The following PDE4D variants were observed in gnomAD, a reference collection of about 807,000 sequenced individuals.
PDE4D encodes the protein phosphodiesterase 4D, also known as 3',5'-cyclic-AMP phosphodiesterase 4D.
PDE4D carries 24 observed loss-of-function variants against 87.4 expected under a neutral mutation model. The ratio of observed to expected loss-of-function variants is 0.27; its 90% confidence interval spans 0.20 to 0.39. The LOEUF is 0.39. PDE4D is among the 10% of genes least tolerant of loss of function. The pLI is 1.00. For missense variants in PDE4D, 714 were observed against 1,041.0 expected (o/e 0.69, Z 4.32); for synonymous variants, 384 against 383.2 (o/e 1.00, Z -0.02).
intron 1 of PDE4D, among the ~76,000 whole-genome samples, chr5:60,199,590 G>A (rs1741677428): frequency 6.6e-6 from 1 of 151,522 alleles, no homozygotes. Context: ...TTTTTCAGAA[G>A]GACAATGATG....
intron 1 of PDE4D, among the ~76,000 whole-genome samples, chr5:59,855,769 A>G (rs932097879): frequency 6.6e-6 from 1 of 152,186 alleles, no homozygotes; most frequent in Non-Finnish European, 1.5e-5. Flanking sequence ...CCTGAAAAGA[A>G]AGAGCATTTC....
chr5:60,106,592 G>A (rs1158375227), intron 2 of PDE4D, among the ~76,000 whole-genome samples: 5 of 150,452 alleles, frequency 3.3e-5, no homozygotes, highest in Non-Finnish European at 6.0e-5. Flanking sequence ...TTCCAAAATT[G>A]ACCACATAGT....
intron 1 of PDE4D, among the ~76,000 whole-genome samples, chr5:59,439,357 C>CA (rs3061710): frequency 0.038 from 2,716 of 72,130 alleles, 112 homozygotes; most frequent in African/African-American, 0.089. Context: ...AAGACTCTGT[C>CA]AAAAAAAAAA....
intron 3 of PDE4D, among the ~76,000 whole-genome samples, chr5:59,953,462 C>T (rs1758507639): frequency 6.6e-6 from 1 of 151,836 alleles, no homozygotes; most frequent in African/African-American, 2.4e-5. Flanking sequence ...TTACTGGAGC[C>T]AACTAAATTT....
At chr5:59,057,229 TGCTGG>T (rs756298360) in intron 5 of PDE4D, among the ~76,000 whole-genome samples, 24 of 152,204 alleles carry the variant, frequency 1.6e-4, no homozygotes, top group Non-Finnish European at 3.4e-4. Flanking sequence ...TGCTGGGTTA[TGCTGG>T]GGCAGTGAGG....
At chr5:60,077,080 G>T (rs1456451064) in intron 2 of PDE4D, among the ~76,000 whole-genome samples, 3 of 152,206 alleles carry the variant, frequency 2.0e-5, no homozygotes, top group African/African-American at 7.2e-5. Context: ...AGGCAGGGGT[G>T]ACTCTGCTGT....
intron 1 of PDE4D, among the ~76,000 whole-genome samples, chr5:59,290,037 A>C (rs2153554633): frequency 6.6e-6 from 1 of 152,178 alleles, no homozygotes; most frequent in African/African-American, 2.4e-5. Context: ...AAAAAATGGA[A>C]AGATATTCCA....
intron 2 of PDE4D, among the ~76,000 whole-genome samples, chr5:60,039,728 A>G (rs796769972): frequency 7.9e-5 from 12 of 152,236 alleles, no homozygotes; most frequent in African/African-American, 2.9e-4. Context: ...TTCATTTACA[A>G]TTTCTGATAT....
intron 1 of PDE4D, among the ~76,000 whole-genome samples, chr5:59,546,612 A>T (rs1817306766): frequency 2.0e-5 from 3 of 152,158 alleles, no homozygotes; most frequent in South Asian, 4.1e-4. Flanking sequence ...AAGAAAAAAA[A>T]TTCCTAAGAA....
At chr5:59,607,044 G>A (rs570428123) in intron 1 of PDE4D, among the ~76,000 whole-genome samples, 20 of 152,088 alleles carry the variant, frequency 1.3e-4, no homozygotes, top group Non-Finnish European at 2.2e-4. Context: ...CGTTTCAGAT[G>A]CCAAGAGGCT....
At chr5:59,179,415 C>T (rs145845035) in intron 5 of PDE4D, among the ~76,000 whole-genome samples, 232 of 152,218 alleles carry the variant, frequency 1.5e-3, no homozygotes, top group African/African-American at 5.4e-3. Context: ...TTGTTCATCT[C>T]TTGATCAATA....
intron 1 of PDE4D, among the ~76,000 whole-genome samples, chr5:59,353,200 T>C (rs1032901516): frequency 9.2e-5 from 14 of 152,120 alleles, no homozygotes; most frequent in African/African-American, 3.4e-4. Context: ...AAGAGTAATT[T>C]TCTATTTAAA....
At chr5:60,083,499 C>T (rs1508863) in intron 2 of PDE4D, among the ~76,000 whole-genome samples, 5 of 152,088 alleles carry the variant, frequency 3.3e-5, no homozygotes, top group Non-Finnish European at 7.4e-5. Flanking sequence ...AAACTTGGCA[C>T]AATAAATTTG....
At chr5:60,042,855 A>C (rs541675289) in intron 2 of PDE4D, among the ~76,000 whole-genome samples, 2 of 152,290 alleles carry the variant, frequency 1.3e-5, no homozygotes, top group African/African-American at 4.8e-5. Context: ...CCAGTGCAAA[A>C]AGTCTTAAAA....
At chr5:60,471,429 C>A (rs1375265184) in intron 1 of PDE4D, among the ~76,000 whole-genome samples, 1 of 152,172 alleles carries the variant, frequency 6.6e-6, no homozygotes, top group Non-Finnish European at 1.5e-5. Flanking sequence ...AAAGCAGCAA[C>A]TGGGTTTGAG....
At chr5:60,232,286 T>C (rs951932241) in intron 1 of PDE4D, among the ~76,000 whole-genome samples, 6 of 151,986 alleles carry the variant, frequency 3.9e-5, no homozygotes, top group African/African-American at 1.2e-4. Flanking sequence ...GTTATCATTA[T>C]GGTTCTGTTC....
intron 1 of PDE4D, among the ~76,000 whole-genome samples, chr5:59,804,168 T>A (rs546732308): frequency 6.6e-6 from 1 of 152,340 alleles, no homozygotes; most frequent in Non-Finnish European, 1.5e-5. Context: ...GTCTTTTATT[T>A]CTCAACTTCT....
At chr5:59,046,530 T>C (rs1760731286) in intron 5 of PDE4D, among the ~76,000 whole-genome samples, 1 of 131,556 alleles carries the variant, frequency 7.6e-6, no homozygotes, top group African/African-American at 2.9e-5. Context: ...ATCAATAAGG[T>C]TATTGAAGAT....
chr5:59,741,803 T>C (rs903688960), intron 1 of PDE4D, among the ~76,000 whole-genome samples: 41 of 152,156 alleles, frequency 2.7e-4, no homozygotes, highest in Non-Finnish European at 4.9e-4. Context: ...AAAAGCTGAC[T>C]ATGGAAAATT....
Sources: allele counts gnomAD v4.1 joint callset (sites outside exome capture counted in the v4.1 genomes callset), GRCh38; gene constraint gnomAD v4.1.1; transcripts MANE v1.5; gene names NCBI Gene and HGNC (gene_info 2026-07-23, HGNC 2026-07-21).